RSPO3: variants seen among roughly 807,000 people sequenced by gnomAD.
The protein encoded by RSPO3 is R-spondin 3.
A neutral mutation model predicts 36.5 loss-of-function variants in RSPO3; 17 were observed. That is an observed-to-expected ratio of 0.47 (90% CI 0.32 to 0.70). The LOEUF is 0.70. Among genes scored for constraint, RSPO3 ranks in the 30% least tolerant of loss-of-function variants. RSPO3 has a pLI of 0.04. For missense variants in RSPO3, 294 were observed against 322.5 expected, an observed-to-expected ratio of 0.91 and a Z score of 0.68; for synonymous variants, 108 against 107.0, an observed-to-expected ratio of 1.01 and a Z score of -0.06.
In RSPO3 at chr6:127,119,231, G is replaced by T. The variant is rs2114525176; in HGVS notation, c.39G>T (p.Leu13Phe). 1.9e-6 allele frequency: 3 copies of T among 1,613,888 alleles called. No individual in the cohort carries two copies. The highest frequency in any genetic ancestry group is 2.5e-6 in the Non-Finnish European group (3 of 1,179,886). ...TGATTTCTTGGCTTTTTATCATTTTGAACTTTATGGAATACATCGGCAGCC... is the reference window on the plus strand; with the variant it reads ...TGATTTCTTGGCTTTTTATCATTTTTAACTTTATGGAATACATCGGCAGCC... ...LRLISWLFIILNFMEYIGSQN... is the reference protein window; with the variant it reads ...LRLISWLFIIFNFMEYIGSQN... The change falls in exon 1 of 5, where the codon TTG becomes TTT. Residue 13 changes from leucine to phenylalanine, a missense_variant. Coordinates refer to ENST00000356698, the MANE Select transcript of RSPO3 (RefSeq NM_032784.5).
At chr6:127,128,458 A>G (rs567514686) in intron 1 of RSPO3, among the ~76,000 whole-genome samples, 3 of 151,998 alleles carry the variant, frequency 2.0e-5, no homozygotes, top group Non-Finnish European at 4.4e-5. Context: ...CATTGTTTAA[A>G]GTAGTTCTGG....
Position 127,124,264 on chromosome 6 carries a change from A to G in RSPO3, c.97+4975A>G, listed in dbSNP as rs529363810. Among the ~76,000 whole-genome samples, 3 of 152,088 alleles carry G rather than the reference A, an allele frequency of 2.0e-5. No individual in the cohort carries two copies. The East Asian group carries it at 5.8e-4, about 29-fold the overall frequency. On this transcript the variant is annotated intron_variant, in intron 1 of 4. Transcript: ENST00000356698. ...GACATATCTTGATCTCTCTCTTCCT[A>G]CTTCTTCACTATTCACTCACATATC...
chr6:127,146,895 C>T (rs1271046512), intron 1 of RSPO3, among the ~76,000 whole-genome samples: 2 of 152,122 alleles, frequency 1.3e-5, no homozygotes, highest in African/African-American at 2.4e-5. Context: ...TCTTTGCAAG[C>T]TTACAATATG....
rs530881736 is a variant in RSPO3, at chr6:127,132,988, C to T, written c.97+13699C>T. 2.6e-5 allele frequency among the ~76,000 whole-genome samples: 4 copies of T among 152,042 alleles called. No homozygotes were observed. The East Asian group carries it at 5.8e-4, about 22-fold the overall frequency. On this transcript the variant is annotated intron_variant, in intron 1 of 4. Transcript: ENST00000356698. ...TAAGGCCTACCTTAAAATTTAAGAA[C>T]CCATGAATCTTAATTTCATTTCTTT...
chr6:127,152,581 A>G (rs186657880), intron 3 of RSPO3, among the ~76,000 whole-genome samples: 85 of 152,264 alleles, frequency 5.6e-4, no homozygotes, highest in South Asian at 2.3e-3. Flanking sequence ...CTCATCCAAT[A>G]GAAAGAATGT....
intron 4 of RSPO3, among the ~76,000 whole-genome samples, chr6:127,194,352 G>C (rs1193445113): frequency 1.3e-5 from 2 of 152,128 alleles, no homozygotes; most frequent in Non-Finnish European, 2.9e-5. Context: ...AAATGACCCA[G>C]TATGTGGGAT....
intron 4 of RSPO3, among the ~76,000 whole-genome samples, chr6:127,162,908 T>G: frequency 6.6e-6 from 1 of 152,194 alleles, no homozygotes; most frequent in South Asian, 2.1e-4. Context: ...AATACATGTA[T>G]TTTTTCTGTG....
At chr6:127,128,435 A>T (rs1773985712) in intron 1 of RSPO3, among the ~76,000 whole-genome samples, 1 of 151,280 alleles carries the variant, frequency 6.6e-6, no homozygotes, top group Non-Finnish European at 1.5e-5. Context: ...TGGGGATGGT[A>T]CCTGAATATC....
chr6:127,130,848 A>G (rs1327710837), intron 1 of RSPO3, among the ~76,000 whole-genome samples: 3 of 151,876 alleles, frequency 2.0e-5, no homozygotes, highest in African/African-American at 7.3e-5. Context: ...TTTTTTTTAT[A>G]TGGAGTCCAA....
chr6:127,123,648 T>A (rs576753090), intron 1 of RSPO3, among the ~76,000 whole-genome samples: 8 of 152,242 alleles, frequency 5.3e-5, no homozygotes, highest in Non-Finnish European at 1.2e-4. Context: ...AATTTTAAAA[T>A]ACCTTCTTTT....
chr6:127,138,407 G>C (rs9482773), intron 1 of RSPO3, among the ~76,000 whole-genome samples: 63,537 of 151,776 alleles, frequency 0.42, 13,603 homozygotes, highest in East Asian at 0.52. Flanking sequence ...CTCTATGACT[G>C]TTAGTGAGTT....
chr6:127,150,654 A>C, intron 3 of RSPO3, 82 bp downstream of exon 3: 3 of 1,336,110 alleles, frequency 2.2e-6, no homozygotes, highest in African/African-American at 1.5e-5. Flanking sequence ...TGCCAAAAGA[A>C]CTTGAAGGTT....
chr6:127,154,352 A>G (rs1270250122), intron 3 of RSPO3, among the ~76,000 whole-genome samples: 1 of 152,152 alleles, frequency 6.6e-6, no homozygotes, highest in African/African-American at 2.4e-5. Context: ...TTTTCTTTAG[A>G]AGTTCAAAAA....
intron 1 of RSPO3, among the ~76,000 whole-genome samples, chr6:127,129,252 T>C (rs1774002165): frequency 6.6e-6 from 1 of 152,102 alleles, no homozygotes; most frequent in South Asian, 2.1e-4. Flanking sequence ...TCTACTTCAC[T>C]CCTAATGTGC....
chr6:127,196,226 T>C lies in RSPO3; in HGVS notation c.*219T>C, dbSNP rs1318900029. 1 of 331,418 alleles carries C rather than the reference T, an allele frequency of 3.0e-6. No individual in the cohort carries two copies. The highest frequency in any genetic ancestry group is 5.4e-6 in the Non-Finnish European group (1 of 183,566). 20.5% of individuals were successfully genotyped at this position (331,418 alleles called of 1,614,324 possible). A position where few individuals can be genotyped will look rare whatever the true frequency, so the allele number is the denominator to read the frequency against. On this transcript the variant is annotated 3_prime_UTR_variant, in exon 5 of 5. Transcript: ENST00000356698. ...CTTTCAGATGGTTGTCTTGTGTGCT[T>C]CTCTGCATTTTTAAAAGACAAGACA... is the stretch of plus-strand genomic sequence containing the variant.
At chr6:127,185,691 G>T (rs1418222661) in intron 4 of RSPO3, among the ~76,000 whole-genome samples, 3 of 151,892 alleles carry the variant, frequency 2.0e-5, no homozygotes, top group Admixed American at 2.0e-4. Context: ...CAGATTAAAG[G>T]TACATTTTTC....
intron 3 of RSPO3, among the ~76,000 whole-genome samples, chr6:127,151,248 G>T (rs899392145): frequency 6.6e-6 from 1 of 151,868 alleles, no homozygotes; most frequent in Non-Finnish European, 1.5e-5. Context: ...ACAGTCCCTG[G>T]GGCTGATTAA....
At chr6:127,172,137 C>CCTTT (rs1774949823) in intron 4 of RSPO3, among the ~76,000 whole-genome samples, 1 of 150,200 alleles carries the variant, frequency 6.7e-6, no homozygotes, top group Admixed American at 6.7e-5. Context: ...AAACTCTATA[C>CCTTT]ACTGAAATGC....
chr6:127,136,213 G>A (rs892988019), intron 1 of RSPO3, among the ~76,000 whole-genome samples: 3 of 152,166 alleles, frequency 2.0e-5, no homozygotes, highest in Admixed American at 6.5e-5. Flanking sequence ...GATTTCTTAT[G>A]TGTTTAATAA....
Sources: allele counts gnomAD v4.1 joint callset (sites outside exome capture counted in the v4.1 genomes callset), GRCh38; gene constraint gnomAD v4.1.1; transcripts MANE v1.5; gene names NCBI Gene and HGNC (gene_info 2026-07-23, HGNC 2026-07-21).